The following SF3B1 variants were observed in gnomAD, a reference collection of about 807,000 sequenced individuals.
SF3B1 encodes pre-mRNA processing 10.
SF3B1 carries 12 observed loss-of-function variants against 153.8 expected under a neutral mutation model. The ratio of observed to expected loss-of-function variants is 0.08; its 90% confidence interval spans 0.05 to 0.13. The LOEUF is 0.13. Among genes scored for constraint, SF3B1 ranks in the 10% least tolerant of loss-of-function variants. SF3B1 has a pLI of 1.00. For synonymous variants in SF3B1, 498 were observed against 525.2 expected, an observed-to-expected ratio of 0.95 and a Z score of 0.71; for missense variants, 513 against 1,606.1, an observed-to-expected ratio of 0.32 and a Z score of 11.63.
intron 23 of SF3B1, among the ~76,000 whole-genome samples, chr2:197,393,611 C>T (rs547579988): frequency 6.6e-6 from 1 of 152,098 alleles, no homozygotes; most frequent in Admixed American, 6.5e-5. Flanking sequence ...TGCCACCACG[C>T]CTGCCTAATT....
At chr2:197,419,864 A>C (rs1159698837) in intron 4 of SF3B1, 3 of 225,334 alleles carry the variant, frequency 1.3e-5, no homozygotes, top group Non-Finnish European at 1.8e-5. Context: ...CATCAGGCTC[A>C]CTATGCCCCT....
Position 197,408,521 on chromosome 2 carries a change from G to C in SF3B1, c.965C>G (p.Ser322Cys), listed in dbSNP as rs779614911. The change falls in exon 8 of 25, where the codon TCT (serine) becomes TGT (cysteine). Residue 322 changes from serine (S) to cysteine (C), a missense_variant. By Grantham distance (112) the Ser-to-Cys change is moderately radical (BLOSUM62 -1). Around this residue, in one of 21 missense-constraint regions of SF3B1, gnomAD observed 91 missense variants for 157.4 expected, o/e 0.58. Coordinates refer to ENST00000335508, the MANE Select transcript of SF3B1 (RefSeq NM_012433.4). ...ETPRTDRGGD[S>C]IGETPTPGAS... Reference sequence around the variant, plus strand: ...TCCAGGAGTCGGTGTTTCACCAATAGAATCTCCACCTCGATCTGTTCGAGG... The same window carrying C: ...TCCAGGAGTCGGTGTTTCACCAATACAATCTCCACCTCGATCTGTTCGAGG... 15 of 1,613,338 alleles carry C rather than the reference G, an allele frequency of 9.3e-6. No homozygotes were observed. In the South Asian group the frequency reaches 1.6e-4, roughly 18 times the overall value.
In SF3B1 at chr2:197,400,009, A is replaced by T. The variant is rs143648708; in HGVS notation, c.3013+46T>A. On this transcript the variant is annotated intron_variant, in intron 20 of 24. Transcript: ENST00000335508. This position sits in a 1 kb window ranked among gnomAD's most constrained non-coding sequence, Gnocchi z 5.0. ...TACTTACGAAAAAAAAAAGAAAAAG[A>T]AAGTTAAAACAAGAAAAAGTCTTAT... 7.8e-7 allele frequency: 1 copy of T among 1,288,198 alleles called. No homozygotes were observed. Among genetic ancestry groups the T allele is most frequent in the Non-Finnish European group, 1.1e-6 (1 of 910,108 alleles). The allele number at this position is 1,288,198 out of a possible 1,614,324, so 79.8% of individuals were successfully genotyped here. A position where few individuals can be genotyped will look rare whatever the true frequency, so the allele number is the denominator to read the frequency against.
intron 1 of SF3B1, among the ~76,000 whole-genome samples, chr2:197,428,358 GAAGTAATTAA>G (rs1450537208): frequency 6.6e-6 from 1 of 152,018 alleles, no homozygotes; most frequent in Non-Finnish European, 1.5e-5. Flanking sequence ...GTAATCTGTA[GAAGTAATTAA>G]AAGTAATTTT....
At chr2:197,395,059 T>C (rs1359936318) in intron 23 of SF3B1, among the ~76,000 whole-genome samples, 1 of 152,268 alleles carries the variant, frequency 6.6e-6, no homozygotes, top group African/African-American at 2.4e-5. Context: ...GTATTCCTCA[T>C]TAATAAAATT....
In SF3B1 at chr2:197,402,780, T is replaced by C; in HGVS notation, c.1853A>G (p.Asp618Gly). ...GTTACGGACATACTCATCCATGTTATCTATATCAGGTCTCATGGTAGAGAT... is the reference window on the plus strand; with the variant it reads ...GTTACGGACATACTCATCCATGTTACCTATATCAGGTCTCATGGTAGAGAT... ...TMISTMRPDI[D>G]NMDEYVRNTT... is the part of the protein sequence containing the mutation. Residue 618 changes from aspartate (D) to glycine (G), a missense_variant, in exon 14 of 25, where the codon GAT becomes GGT. Transcript: ENST00000335508. The surrounding 1 kb of genome is among the most constrained non-coding windows in gnomAD (Gnocchi z 4.6). The C allele has an allele frequency of 1.2e-6, 2 of 1,614,060 alleles. No homozygotes were observed. The highest frequency in any genetic ancestry group is 8.5e-7 in the Non-Finnish European group (1 of 1,179,948).
At chr2:197,394,295 C>T (rs1274171443) in intron 23 of SF3B1, among the ~76,000 whole-genome samples, 6 of 152,154 alleles carry the variant, frequency 3.9e-5, no homozygotes, top group Non-Finnish European at 7.4e-5. Context: ...GCGATCCTCC[C>T]ACCTTGGCCT....
chr2:197,428,358 G>C (rs998087947), intron 1 of SF3B1, among the ~76,000 whole-genome samples: 1 of 152,018 alleles, frequency 6.6e-6, no homozygotes, highest in Non-Finnish European at 1.5e-5. Context: ...GTAATCTGTA[G>C]AAGTAATTAA....
chr2:197,428,135 G>A (rs1434719008), intron 1 of SF3B1, among the ~76,000 whole-genome samples: 1 of 152,082 alleles, frequency 6.6e-6, no homozygotes, highest in Non-Finnish European at 1.5e-5. Context: ...GCAACATGAT[G>A]AAACCCTGTC....
chr2:197,419,182 G>A (rs888438989), intron 4 of SF3B1: 6 of 470,040 alleles, frequency 1.3e-5, no homozygotes, highest in Non-Finnish European at 2.3e-5. Context: ...AAGTTTTGTT[G>A]ACCCAGAAAA....
At position 197,393,364 on chromosome 2, in the gene SF3B1, T is replaced by C. The variant is rs1200842004; in HGVS notation, c.3540-176A>G. The C allele has an allele frequency of 1.6e-5, 10 of 608,706 alleles. No homozygotes were observed. The Middle Eastern group carries it at 1.2e-3, about 72-fold the overall frequency. The allele number at this position is 608,706 out of a possible 1,614,324, so 37.7% of individuals were successfully genotyped here. ...CATCTAACATTTCATATATCTAATATATCCTTTAGAATAGCTTCCACTTGA... is the reference window on the plus strand; with the variant it reads ...CATCTAACATTTCATATATCTAATACATCCTTTAGAATAGCTTCCACTTGA... On this transcript the variant is annotated intron_variant, in intron 23 of 24. Transcript: ENST00000335508.
chr2:197,403,967 A>G (rs1233590862), intron 11 of SF3B1, among the ~76,000 whole-genome samples: 1 of 152,226 alleles, frequency 6.6e-6, no homozygotes, highest in Non-Finnish European at 1.5e-5. Context: ...GTTAACTCAA[A>G]AGAGTAATTT....
intron 11 of SF3B1, 182 bp downstream of exon 11, chr2:197,404,894 C>A: frequency 2.0e-6 from 1 of 496,322 alleles, no homozygotes; most frequent in Non-Finnish European, 3.6e-6. Context: ...AAAATATAAA[C>A]ATGGCCAGGT....
intron 6 of SF3B1, among the ~76,000 whole-genome samples, chr2:197,415,026 C>T (rs373764213): frequency 6.6e-6 from 1 of 151,672 alleles, no homozygotes; most frequent in Non-Finnish European, 1.5e-5. Context: ...AAGAACAAAG[C>T]ACTTTGTTCT....
At chr2:197,427,217 G>C (rs559230568) in intron 1 of SF3B1, among the ~76,000 whole-genome samples, 39 of 152,330 alleles carry the variant, frequency 2.6e-4, no homozygotes, top group Admixed American at 2.2e-3. Flanking sequence ...CCTGGGGCTA[G>C]GCAGCTGTTT....
chr2:197,399,991 GA>G (rs956486051), intron 20 of SF3B1, 63 bp downstream of exon 20: 1,384 of 1,003,622 alleles, frequency 1.4e-3, no homozygotes, highest in South Asian at 1.6e-3. Flanking sequence ...TTTTACTTAC[GA>G]AAAAAAAAAG....
intron 2 of SF3B1, among the ~76,000 whole-genome samples, 198 bp downstream of exon 2, chr2:197,423,610 T>C (rs1044285595): frequency 2.0e-5 from 3 of 152,160 alleles, no homozygotes; most frequent in Non-Finnish European, 4.4e-5. Context: ...AACAAACTAG[T>C]CTTTACCATA....
At position 197,416,849 on chromosome 2, in the gene SF3B1, T is replaced by A. The variant is rs1029908496; in HGVS notation, c.558A>T (p.Gly186=). Residue 186 remains glycine (G), a synonymous_variant, in exon 6 of 25, where the codon GGA becomes GGT. Transcript: ENST00000335508. ...TTGATGGAGGCTGGGACGCTGCTGCTCCATTGACGACTTTTAGTTCTCCAG... is the reference window on the plus strand; with the variant it reads ...TTGATGGAGGCTGGGACGCTGCTGCACCATTGACGACTTTTAGTTCTCCAG... ...AKAGELKVVN[G]AAASQPPSKR... is the part of the protein sequence containing the mutation. 6.2e-7 allele frequency: 1 copy of A among 1,614,070 alleles called. No individual in the cohort carries two copies. The highest frequency in any genetic ancestry group is 8.5e-7 in the Non-Finnish European group (1 of 1,180,002).
Position 197,409,917 on chromosome 2 carries a change from T to C in SF3B1, c.757A>G (p.Ile253Val). The change falls in exon 7 of 25, where the codon ATA (isoleucine) becomes GTA (valine). Residue 253 changes from isoleucine (I) to valine (V), a missense_variant. Transcript: ENST00000335508. Reference sequence around the variant, plus strand: ...GTGTGGCTAGGTGTAGGATCCCATATTTTTGAGCCTGGGGTTGCTCCAGGA... The same window carrying C: ...GTGTGGCTAGGTGTAGGATCCCATACTTTTGAGCCTGGGGTTGCTCCAGGA... ...ETPGATPGSK[I>V]WDPTPSHTPA... The C allele has an allele frequency of 6.2e-7, 1 of 1,614,162 alleles. No homozygotes were observed. The highest frequency in any genetic ancestry group is 8.5e-7 in the Non-Finnish European group (1 of 1,180,012).
Sources: allele counts gnomAD v4.1 joint callset (sites outside exome capture counted in the v4.1 genomes callset), GRCh38; gene constraint gnomAD v4.1.1; regional missense constraint gnomAD v4.1.1; non-coding constraint Gnocchi (gnomAD v3.1); transcripts MANE v1.5; gene names NCBI Gene and HGNC (gene_info 2026-07-23, HGNC 2026-07-21).